The following CD96 variants were observed in gnomAD, a reference collection of about 807,000 sequenced individuals.
The protein encoded by CD96 is CD96 molecule, also known as T-cell surface protein tactile.
Under a neutral mutation model 71.3 loss-of-function variants are expected in CD96, and 70 were observed. That is an observed-to-expected ratio of 0.98 (90% CI 0.81 to 1.20). CD96 has a LOEUF of 1.20. Among genes scored for constraint, CD96 ranks in the 50% most tolerant of loss-of-function variants. CD96 has a pLI of 0.00. For synonymous variants in CD96, 248 were observed against 233.0 expected (o/e 1.06, Z -0.59); for missense variants, 742 against 677.5 (o/e 1.10, Z -1.06).
intron 2 of CD96, among the ~76,000 whole-genome samples, chr3:111,552,353 T>C (rs1195415766): frequency 3.3e-5 from 5 of 152,134 alleles, no homozygotes; most frequent in Non-Finnish European, 7.4e-5. Flanking sequence ...GGATGCAGCA[T>C]TCAAAGTGCC....
intron 3 of CD96, among the ~76,000 whole-genome samples, chr3:111,573,426 C>T (rs997520499): frequency 4.6e-5 from 7 of 151,994 alleles, no homozygotes; most frequent in Non-Finnish European, 7.4e-5. Flanking sequence ...AGTTCAATTC[C>T]GACTAGATGA....
chr3:111,608,362 G>A (rs1273437336), intron 8 of CD96, among the ~76,000 whole-genome samples: 1 of 152,184 alleles, frequency 6.6e-6, no homozygotes, highest in Non-Finnish European at 1.5e-5. Context: ...CTAGAAGTAA[G>A]TCACTAGGTC....
chr3:111,627,656 A>G (rs1938841747), intron 10 of CD96, among the ~76,000 whole-genome samples: 1 of 152,252 alleles, frequency 6.6e-6, no homozygotes, highest in Non-Finnish European at 1.5e-5. Flanking sequence ...AAATGCAGCC[A>G]GACTGCATCT....
At chr3:111,624,006 A>T (rs1196020883) in intron 9 of CD96, among the ~76,000 whole-genome samples, 184 bp downstream of exon 9, 5 of 152,208 alleles carry the variant, frequency 3.3e-5, no homozygotes, top group Non-Finnish European at 7.3e-5. Context: ...CTATAATCTT[A>T]AAAAATAAGG....
intron 10 of CD96, among the ~76,000 whole-genome samples, chr3:111,627,825 A>G (rs879495130): frequency 6.6e-6 from 1 of 152,218 alleles, no homozygotes; most frequent in Non-Finnish European, 1.5e-5. Context: ...TTGCTGTTTC[A>G]CAACCTTCAC....
intron 12 of CD96, among the ~76,000 whole-genome samples, chr3:111,644,040 G>A (rs1939714853): frequency 6.6e-6 from 1 of 152,048 alleles, no homozygotes; most frequent in South Asian, 2.1e-4. Flanking sequence ...GCAAGACTAA[G>A]CAAAAAGAAC....
chr3:111,645,231 G>A (rs973640866), intron 12 of CD96, among the ~76,000 whole-genome samples: 1 of 152,124 alleles, frequency 6.6e-6, no homozygotes, highest in African/African-American at 2.4e-5. Flanking sequence ...TGACCTGGAT[G>A]AGATTGGAGA....
chr3:111,613,751 A>G (rs202183360), intron 8 of CD96, among the ~76,000 whole-genome samples: 3 of 152,348 alleles, frequency 2.0e-5, no homozygotes, highest in South Asian at 2.1e-4. Context: ...GAAAGGCCCA[A>G]TGGAAATATT....
intron 3 of CD96, chr3:111,571,185 G>C (rs1559727391): frequency 1.9e-6 from 1 of 536,368 alleles, no homozygotes; most frequent in Non-Finnish European, 3.3e-6. Context: ...CCTGGAGTAA[G>C]AGTTTTTTTG....
intron 2 of CD96, among the ~76,000 whole-genome samples, chr3:111,551,406 T>G (rs1198452415): frequency 6.6e-6 from 1 of 152,104 alleles, no homozygotes; most frequent in Admixed American, 6.5e-5. Context: ...ATAAAAACAT[T>G]TTCAAAGAAA....
intron 12 of CD96, among the ~76,000 whole-genome samples, chr3:111,646,153 A>T (rs1238315945): frequency 6.6e-6 from 1 of 152,148 alleles, no homozygotes; most frequent in Admixed American, 6.5e-5. Flanking sequence ...CTAAAGACCT[A>T]TCTATCATGT....
intron 10 of CD96, among the ~76,000 whole-genome samples, chr3:111,630,702 C>CA (rs1189019719): frequency 6.6e-6 from 1 of 152,012 alleles, no homozygotes; most frequent in African/African-American, 2.4e-5. Flanking sequence ...AGAGATACAA[C>CA]AAAAAAAGAA....
Position 111,647,566 on chromosome 3 carries a change from G to C in CD96, c.1501G>C (p.Asp501His), listed in dbSNP as rs771588474. ...ITGIVVNKPK[D>H]GMSWPVIVAA... ...AGGTATTGTGGTCAATAAGCCCAAA[G>C]ATGGAATGTCCTGGCCAGTGATTGT... The change falls in exon 13 of 14, where the codon GAT becomes CAT. Residue 501 changes from aspartate to histidine, a missense_variant. Transcript: ENST00000352690. 6.2e-7 allele frequency: 1 copy of C among 1,612,404 alleles called. No homozygotes were observed. Among genetic ancestry groups the C allele is most frequent in the Non-Finnish European group, 8.5e-7 (1 of 1,178,526 alleles).
At chr3:111,614,089 C>A (rs1938098208) in intron 8 of CD96, among the ~76,000 whole-genome samples, 1 of 152,202 alleles carries the variant, frequency 6.6e-6, no homozygotes, top group South Asian at 2.1e-4. Context: ...GCCACAAGAA[C>A]AGACCTGTGT....
intron 8 of CD96, among the ~76,000 whole-genome samples, chr3:111,609,237 A>C (rs1405826401): frequency 1.3e-5 from 2 of 152,326 alleles, no homozygotes; most frequent in South Asian, 4.1e-4. Flanking sequence ...TACCAAAAAA[A>C]CAGGGATGAA....
chr3:111,550,128 T>C (rs1013582505), intron 2 of CD96, among the ~76,000 whole-genome samples: 5 of 152,194 alleles, frequency 3.3e-5, no homozygotes, highest in African/African-American at 1.2e-4. Flanking sequence ...CACAAAAACC[T>C]GGAAACATAT....
chr3:111,659,117 T>C (rs1576443541), intron 14 of CD96, among the ~76,000 whole-genome samples: 1 of 152,284 alleles, frequency 6.6e-6, no homozygotes, highest in East Asian at 1.9e-4. Context: ...TCTTGGGAGA[T>C]TGTGTGTTTC....
intron 12 of CD96, among the ~76,000 whole-genome samples, chr3:111,643,562 T>C (rs1363079316): frequency 6.6e-6 from 1 of 152,072 alleles, no homozygotes; most frequent in Non-Finnish European, 1.5e-5. Context: ...TGATGATGAC[T>C]GTTTACCTTG....
Position 111,542,328 on chromosome 3 carries a change from C to A in CD96, c.61+19C>A. The A allele has an allele frequency of 6.2e-7, 1 of 1,605,904 alleles. No homozygotes were observed. Among genetic ancestry groups the A allele is most frequent in the Non-Finnish European group, 8.5e-7 (1 of 1,172,650 alleles). ...GTCAAGGGTAAGACTTCCAGTTGTC[C>A]CTTCTTGTCGGATGGGCCGCTTTAG... is the stretch of plus-strand genomic sequence containing the variant. On this transcript the variant is annotated intron_variant, in intron 1 of 13. Coordinates refer to ENST00000352690, the MANE Select transcript of CD96 (RefSeq NM_005816.5).
Sources: gnomAD v4.1 joint callset for allele counts (sites outside exome capture counted in the v4.1 genomes callset) on GRCh38, gnomAD v4.1.1 for gene constraint, MANE v1.5 for transcripts, NCBI Gene and HGNC (gene_info 2026-07-23, HGNC 2026-07-21) for gene names.